Variants in FRK observed in about 807,000 individuals in gnomAD.
FRK encodes the protein fyn related Src family tyrosine kinase.
Under a neutral mutation model 56.4 loss-of-function variants are expected in FRK, and 51 were observed. The observed-to-expected ratio is 0.90, with a 90% CI of 0.72 to 1.14. The LOEUF (loss-of-function observed/expected upper bound fraction) is 1.14. FRK is among the 50% of genes most tolerant of loss of function. FRK has a pLI of 0.00. For synonymous variants in FRK, 245 were observed against 217.9 expected, an observed-to-expected ratio of 1.12 and a Z score of -1.10; for missense variants, 570 against 601.4, an observed-to-expected ratio of 0.95 and a Z score of 0.55.
rs143232400 is a variant in FRK, at chr6:115,938,566, G to C, written c.*3848C>G. 6 of 151,996 alleles carry C rather than the reference G, an allele frequency of 3.9e-5. No homozygotes were observed. The highest frequency in any genetic ancestry group is 6.6e-5 in the Admixed American group (1 of 15,266). 9.4% of individuals were successfully genotyped at this position (151,996 alleles called of 1,614,324 possible). On this transcript the variant is annotated 3_prime_UTR_variant, in exon 8 of 8. Transcript: ENST00000606080. ...ATTTTTTGAAAAGATCAACAAAATA[G>C]AATGCTAGCCAGACTAATAAAGAAG...
At chr6:116,077,562 C>A in the FRK span, among the ~76,000 whole-genome samples, 4 of 152,296 alleles carry the variant, frequency 2.6e-5, no homozygotes, top group East Asian at 7.7e-4. Flanking sequence ...CTTCTCTCCT[C>A]TGATTTATTT....
At chr6:116,010,596 A>G (rs1775427582) in intron 1 of FRK, among the ~76,000 whole-genome samples, 1 of 152,216 alleles carries the variant, frequency 6.6e-6, no homozygotes. Flanking sequence ...AAAGGACAAT[A>G]TGTCCTGCAA....
intron 1 of FRK, among the ~76,000 whole-genome samples, chr6:116,022,399 T>C (rs1775907132): frequency 6.6e-6 from 1 of 152,102 alleles, no homozygotes; most frequent in Admixed American, 6.6e-5. Flanking sequence ...TGAATATCTC[T>C]TATGAACACT....
intron 5 of FRK, among the ~76,000 whole-genome samples, chr6:115,954,536 G>GT (rs1213866360): frequency 1.3e-5 from 2 of 152,196 alleles, no homozygotes; most frequent in East Asian, 3.8e-4. Flanking sequence ...GACATGAAAA[G>GT]TAGAGATGAT....
intron 1 of FRK, among the ~76,000 whole-genome samples, chr6:116,041,621 G>A (rs1023591277): frequency 6.6e-6 from 1 of 152,096 alleles, no homozygotes. Flanking sequence ...ATGAGGCGTC[G>A]CCTCACCCAG....
intron 1 of FRK, among the ~76,000 whole-genome samples, chr6:116,055,690 A>C (rs1266962148): frequency 1.3e-5 from 2 of 152,208 alleles, no homozygotes; most frequent in East Asian, 3.8e-4. Flanking sequence ...CAAAGCAAAT[A>C]CTAATTCCTC....
chr6:115,977,037 G>A (rs993088706), intron 2 of FRK, among the ~76,000 whole-genome samples: 10 of 152,040 alleles, frequency 6.6e-5, no homozygotes, highest in Non-Finnish European at 1.2e-4. Context: ...TGTTTATTTC[G>A]TTTGTTTTTA....
chr6:116,051,147 A>G (rs1372641443), intron 1 of FRK, among the ~76,000 whole-genome samples: 1 of 152,166 alleles, frequency 6.6e-6, no homozygotes, highest in Non-Finnish European at 1.5e-5. Context: ...AGGAATATTT[A>G]CTAAGAAATA....
chr6:115,988,774 C>G (rs1019375107), intron 2 of FRK, among the ~76,000 whole-genome samples: 1 of 151,922 alleles, frequency 6.6e-6, no homozygotes, highest in Non-Finnish European at 1.5e-5. Flanking sequence ...ATTTTTGTCA[C>G]TTGGAATAAC....
upstream of FRK, among the ~76,000 whole-genome samples, chr6:116,062,153 C>A (rs1049376304): frequency 1.3e-4 from 20 of 152,148 alleles, no homozygotes; most frequent in African/African-American, 4.8e-4. Context: ...GTTATGCTCC[C>A]AAGTTTCTCC....
At chr6:116,017,767 AAC>A (rs1775707754) in intron 1 of FRK, among the ~76,000 whole-genome samples, 1 of 152,110 alleles carries the variant, frequency 6.6e-6, no homozygotes, top group African/African-American at 2.4e-5. Flanking sequence ...CAATTTGAAA[AAC>A]ACAGCTGTTT....
intron 1 of FRK, among the ~76,000 whole-genome samples, chr6:116,052,619 T>C (rs1034606730): frequency 6.6e-6 from 1 of 151,886 alleles, no homozygotes; most frequent in Non-Finnish European, 1.5e-5. Flanking sequence ...TGTAGTCTAG[T>C]ATGTCAGGAA....
At chr6:115,958,734 A>G (rs1440953715) in intron 4 of FRK, among the ~76,000 whole-genome samples, 1 of 35,458 alleles carries the variant, frequency 2.8e-5, no homozygotes, top group Middle Eastern at 9.1e-3. Flanking sequence ...AAAGAAAGAA[A>G]GAAAGAAAGA....
intron 2 of FRK, among the ~76,000 whole-genome samples, chr6:115,985,460 A>G (rs1202864032): frequency 6.6e-6 from 1 of 152,124 alleles, no homozygotes. Flanking sequence ...TCAATCTTAT[A>G]TTTCTGTACT....
rs759521444 is a variant in FRK, at chr6:115,933,368, C to T, written c.*9046G>A. 2 of 152,060 alleles carry T rather than the reference C, an allele frequency of 1.3e-5. No individual in the cohort carries two copies. The highest frequency in any genetic ancestry group is 6.5e-5 in the Admixed American group (1 of 15,276). The allele number at this position is 152,060 out of a possible 1,614,324, so 9.4% of individuals were successfully genotyped here. A position where few individuals can be genotyped will look rare whatever the true frequency, so the allele number is the denominator to read the frequency against. On this transcript the variant is annotated 3_prime_UTR_variant, in exon 8 of 8. Coordinates refer to ENST00000606080, the MANE Select transcript of FRK (RefSeq NM_002031.3). ...AAATTCAACTTATCTTTTCCTGATC[C>T]TTTTATTTAATACAGGGAGAGAAAT...
chr6:116,075,342 G>A, the FRK span, among the ~76,000 whole-genome samples: 1 of 151,736 alleles, frequency 6.6e-6, no homozygotes, highest in South Asian at 2.1e-4. Flanking sequence ...TCATTGTGAA[G>A]ATTATATGAG....
Position 115,956,523 on chromosome 6 carries a change from C to T in FRK, c.887G>A (p.Cys296Tyr). ...AATATAAATTGGATCTTCTAAAGTG[C>T]AAACAGCATAAAGCTGGATAAGCTT... ...HPKLIQLYAV[C>Y]TLEDPIYIIT... Residue 296 changes from cysteine (C) to tyrosine (Y), a missense_variant, in exon 5 of 8, where the codon TGC becomes TAC. Physicochemically the swap from Cys to Tyr is radical, Grantham distance 194 (BLOSUM62 -2). Transcript: ENST00000606080. 1 of 1,594,074 alleles carries T rather than the reference C, an allele frequency of 6.3e-7. No individual in the cohort carries two copies. The highest frequency in any genetic ancestry group is 1.3e-5 in the African/African-American group (1 of 74,730).
chr6:116,098,603 C>G, the FRK span, among the ~76,000 whole-genome samples: 1 of 152,134 alleles, frequency 6.6e-6, no homozygotes, highest in African/African-American at 2.4e-5. Context: ...GTCTTCAACA[C>G]ATGAATGAGT....
intron 4 of FRK, among the ~76,000 whole-genome samples, chr6:115,958,283 AC>A (rs34544807): frequency 0.97 from 145,520 of 150,606 alleles, 70,476 homozygotes; most frequent in East Asian, 1. Context: ...CCCCACTACC[AC>A]CCCCCCCAAA....
Sources: allele counts gnomAD v4.1 joint callset (sites outside exome capture counted in the v4.1 genomes callset), GRCh38; gene constraint gnomAD v4.1.1; transcripts MANE v1.5; gene names NCBI Gene and HGNC (gene_info 2026-07-23, HGNC 2026-07-21).